Variants in MAP3K9 observed in about 807,000 individuals in gnomAD.
MAP3K9 encodes mitogen-activated protein kinase kinase kinase 9.
In MAP3K9, 46 loss-of-function variants were observed where a neutral mutation model predicts 95.8. That is an observed-to-expected ratio of 0.48 (90% CI 0.38 to 0.61). The LOEUF (loss-of-function observed/expected upper bound fraction) is 0.61, where lower values mean the gene tolerates loss of function less well. Ranked by LOEUF, MAP3K9 falls within the 20% of genes least tolerant of loss-of-function variation. The pLI, the probability that MAP3K9 is intolerant of heterozygous loss-of-function variation, is 0.00. For synonymous variants in MAP3K9, 533 were observed against 593.8 expected, an observed-to-expected ratio of 0.90 and a Z score of 1.49; for missense variants, 1,296 against 1,474.3, an observed-to-expected ratio of 0.88 and a Z score of 1.98.
In MAP3K9 at chr14:70,761,078, C is replaced by A. The variant is rs752555260; in HGVS notation, c.925G>T (p.Ala309Ser). ...GCCATCCAAGCATACGTCCCTGCCGCACTCATCTTGGTGGTTCGGTGCCAT... is the reference window on the plus strand; with the variant it reads ...GCCATCCAAGCATACGTCCCTGCCGAACTCATCTTGGTGGTTCGGTGCCAT... ...REWHRTTKMS[A>S]AGTYAWMAPE... The change falls in exon 3 of 12, where the codon GCG (alanine) becomes TCG (serine). Residue 309 changes from alanine to serine, a missense_variant. Around this residue, in one of 5 missense-constraint regions of MAP3K9, gnomAD observed 136 missense variants for 221.5 expected, o/e 0.61. Coordinates refer to ENST00000554752, the MANE Select transcript of MAP3K9 (RefSeq NM_001284230.2). 1.9e-6 allele frequency: 3 copies of A among 1,614,030 alleles called. No homozygotes were observed. Among genetic ancestry groups the A allele is most frequent in the Non-Finnish European group, 2.5e-6 (3 of 1,180,018 alleles).
At chr14:70,749,129 G>A in intron 4 of MAP3K9, 125 bp from the exon 5 acceptor site, 1 of 886,012 alleles carries the variant, frequency 1.1e-6, no homozygotes, top group Non-Finnish European at 1.7e-6. Context: ...ACAGAGATCA[G>A]AATTTAGGTA....
intron 11 of MAP3K9, among the ~76,000 whole-genome samples, chr14:70,731,849 G>T (rs2053908092): frequency 6.6e-6 from 1 of 152,198 alleles, no homozygotes; most frequent in Admixed American, 6.5e-5. Flanking sequence ...TTTCCTACTG[G>T]ATTAGAGGCT....
chr14:70,758,199 AC>A (rs2054322481), intron 3 of MAP3K9, among the ~76,000 whole-genome samples: 2 of 152,308 alleles, frequency 1.3e-5, no homozygotes, highest in South Asian at 4.1e-4. Flanking sequence ...AAAGACAAAT[AC>A]TCTAATTTTT....
intron 2 of MAP3K9, among the ~76,000 whole-genome samples, chr14:70,782,151 CT>C (rs1300230456): frequency 6.6e-6 from 1 of 152,192 alleles, no homozygotes; most frequent in African/African-American, 2.4e-5. Flanking sequence ...ACGCTGCCCC[CT>C]ACTACATCAC....
chr14:70,731,559 A>G (rs376751334), intron 11 of MAP3K9, among the ~76,000 whole-genome samples: 3 of 152,378 alleles, frequency 2.0e-5, no homozygotes, highest in African/African-American at 7.2e-5. Context: ...TACGGCCTAC[A>G]AAGCCTAAAA....
chr14:70,759,087 G>C (rs1455391670), intron 3 of MAP3K9, among the ~76,000 whole-genome samples: 2 of 152,228 alleles, frequency 1.3e-5, no homozygotes, highest in African/African-American at 4.8e-5. Flanking sequence ...CTAGGGAGTA[G>C]AAGGGGGAAG....
chr14:70,751,407 A>T (rs909438257), intron 3 of MAP3K9, among the ~76,000 whole-genome samples: 2 of 152,196 alleles, frequency 1.3e-5, no homozygotes, highest in Non-Finnish European at 2.9e-5. Context: ...GGTCATATTA[A>T]TTTAAAAAAT....
chr14:70,775,042 A>AACTATATTAT (rs1307059482), intron 2 of MAP3K9, among the ~76,000 whole-genome samples: 2 of 149,924 alleles, frequency 1.3e-5, no homozygotes, highest in Non-Finnish European at 3.0e-5. Context: ...TAATACATGT[A>AACTATATTAT]ACTATATTAT....
chr14:70,770,305 C>T (rs2054513538), intron 2 of MAP3K9, among the ~76,000 whole-genome samples: 1 of 152,006 alleles, frequency 6.6e-6, no homozygotes, highest in Non-Finnish European at 1.5e-5. Context: ...CTCGGCCTCC[C>T]ATGTAGCTGG....
Position 70,722,610 on chromosome 14 carries a change from A to G in MAP3K9, c.*7770T>C, listed in dbSNP as rs1275723016. On this transcript the variant is annotated 3_prime_UTR_variant, in exon 12 of 12. Transcript: ENST00000554752. ...GATCAGCATTACACTGTAATACAAT[A>G]AGAGGTTTAGCCATTGAACCAAGCC... 2 of 152,148 alleles carry G rather than the reference A, an allele frequency of 1.3e-5. No homozygotes were observed. The highest frequency in any genetic ancestry group is 4.8e-5 in the African/African-American group (2 of 41,440). 9.4% of individuals were successfully genotyped at this position (152,148 alleles called of 1,614,324 possible).
chr14:70,801,382 G>T (rs116824824), intron 1 of MAP3K9, among the ~76,000 whole-genome samples: 1 of 152,268 alleles, frequency 6.6e-6, no homozygotes, highest in African/African-American at 2.4e-5. Context: ...AAGGGAATAT[G>T]GGAGAGGTCC....
intron 9 of MAP3K9, among the ~76,000 whole-genome samples, chr14:70,735,159 G>A (rs1198355552): frequency 6.6e-6 from 1 of 152,110 alleles, no homozygotes; most frequent in African/African-American, 2.4e-5. Flanking sequence ...ACAGGAGCTC[G>A]CTTTCAAATC....
chr14:70,763,583 T>G (rs2054404610), intron 2 of MAP3K9, among the ~76,000 whole-genome samples: 1 of 152,060 alleles, frequency 6.6e-6, no homozygotes. Flanking sequence ...CAGGCTGGTG[T>G]GCAGTGGTGC....
chr14:70,738,065 C>G (rs2054009874), intron 8 of MAP3K9, among the ~76,000 whole-genome samples, 180 bp downstream of exon 8: 1 of 152,084 alleles, frequency 6.6e-6, no homozygotes, highest in African/African-American at 2.4e-5. Context: ...GTTTTCCATG[C>G]CTGTTCTAGG....
intron 2 of MAP3K9, chr14:70,783,461 C>CT (rs35250978): frequency 0.48 from 462,356 of 955,524 alleles, 112,141 homozygotes; most frequent in South Asian, 0.6. Flanking sequence ...CTGAAGGATT[C>CT]ACTCTTTGTC....
At chr14:70,751,248 C>T (rs1300947733) in intron 3 of MAP3K9, among the ~76,000 whole-genome samples, 1 of 152,160 alleles carries the variant, frequency 6.6e-6, no homozygotes, top group African/African-American at 2.4e-5. Context: ...TGTGAATTCA[C>T]GATCAGAACC....
rs1047816052 is a variant in MAP3K9, at chr14:70,730,097, A to C, written c.*283T>G. ...GACTCTGCAGGGTCACTCTAAAGGC[A>C]AGGAAGACTGTGGAGGGTGGGGGAC... is the stretch of plus-strand genomic sequence containing the variant. On this transcript the variant is annotated 3_prime_UTR_variant, in exon 12 of 12. Coordinates refer to ENST00000554752, the MANE Select transcript of MAP3K9 (RefSeq NM_001284230.2). 2.3e-5 allele frequency: 10 copies of C among 426,222 alleles called. No homozygotes were observed. The highest frequency in any genetic ancestry group is 4.3e-5 in the Non-Finnish European group (10 of 233,432). The allele number at this position is 426,222 out of a possible 1,614,324, so 26.4% of individuals were successfully genotyped here.
At position 70,753,242 on chromosome 14, in the gene MAP3K9, G is replaced by C. The variant is rs111315479; in HGVS notation, c.1002-3161C>G. Among the ~76,000 whole-genome samples, 1,265 of 152,256 alleles carry C rather than the reference G, an allele frequency of 8.3e-3. 16 individuals are homozygous for C. The highest frequency in any genetic ancestry group is 0.028 in the African/African-American group (1,163 of 41,536). On this transcript the variant is annotated intron_variant, in intron 3 of 11. Coordinates refer to ENST00000554752, the MANE Select transcript of MAP3K9 (RefSeq NM_001284230.2). Reference sequence around the variant, plus strand: ...CAGAAATTACCATCTATGGCTAGTAGACCTGTGGTTTCTCCAAAAGGGCCT... The same window carrying C: ...CAGAAATTACCATCTATGGCTAGTACACCTGTGGTTTCTCCAAAAGGGCCT...
At chr14:70,808,527 G>A (rs918433748) in intron 1 of MAP3K9, among the ~76,000 whole-genome samples, 7 of 152,252 alleles carry the variant, frequency 4.6e-5, no homozygotes, top group South Asian at 2.1e-4. Context: ...CACTGCTGAG[G>A]TGGCCAACTG....
Sources: allele counts gnomAD v4.1 joint callset (sites outside exome capture counted in the v4.1 genomes callset), GRCh38; gene constraint gnomAD v4.1.1; regional missense constraint gnomAD v4.1.1; transcripts MANE v1.5; gene names NCBI Gene and HGNC (gene_info 2026-07-23, HGNC 2026-07-21).